The following MAGI2 variants were observed in gnomAD, a reference collection of about 807,000 sequenced individuals.
MAGI2 encodes membrane-associated guanylate kinase, WW and PDZ domain-containing protein 2.
MAGI2 carries 35 observed loss-of-function variants against 133.3 expected under a neutral mutation model. The observed-to-expected ratio is 0.26, with a 90% CI of 0.20 to 0.35. MAGI2 has a LOEUF of 0.35. Ranked by LOEUF, MAGI2 falls within the 10% of genes least tolerant of loss-of-function variation. The probability of loss-of-function intolerance (pLI) is 1.00; values close to 1 mark genes in which losing one functional copy is unlikely to be tolerated. For missense variants in MAGI2, 1,636 were observed against 1,863.4 expected, an observed-to-expected ratio of 0.88 and a Z score of 2.25; for synonymous variants, 729 against 710.6, an observed-to-expected ratio of 1.03 and a Z score of -0.41.
At chr7:78,399,476 AG>A (rs1351749759) in intron 6 of MAGI2, among the ~76,000 whole-genome samples, 1 of 152,196 alleles carries the variant, frequency 6.6e-6, no homozygotes, top group Non-Finnish European at 1.5e-5. Context: ...TATTTGCATC[AG>A]TCGAGGTAAT....
At chr7:78,673,708 G>T (rs761899101) in intron 2 of MAGI2, among the ~76,000 whole-genome samples, 28 of 152,038 alleles carry the variant, frequency 1.8e-4, no homozygotes, top group Non-Finnish European at 3.8e-4. Flanking sequence ...GCGGGGAGGG[G>T]GGCAGGCGGT....
intron 2 of MAGI2, among the ~76,000 whole-genome samples, chr7:78,711,826 G>GTAA (rs1003648365): frequency 1.6e-4 from 24 of 152,326 alleles, no homozygotes; most frequent in African/African-American, 5.3e-4. Flanking sequence ...ATTACCTGCA[G>GTAA]TAATGGAGAG....
chr7:78,360,852 A>G (rs537392268), intron 7 of MAGI2, among the ~76,000 whole-genome samples: 1 of 152,294 alleles, frequency 6.6e-6, no homozygotes, highest in Non-Finnish European at 1.5e-5. Context: ...TCATGGTCCT[A>G]TAAAAATGAT....
intron 2 of MAGI2, among the ~76,000 whole-genome samples, chr7:78,704,089 A>T (rs1469253629): frequency 6.6e-6 from 1 of 152,184 alleles, no homozygotes; most frequent in Non-Finnish European, 1.5e-5. Flanking sequence ...TAATTAAACT[A>T]AAGAGCTTCT....
intron 20 of MAGI2, among the ~76,000 whole-genome samples, chr7:78,098,549 T>C (rs568658165): frequency 6.6e-6 from 1 of 152,308 alleles, no homozygotes; most frequent in South Asian, 2.1e-4. Context: ...TTAAAAATCA[T>C]GCTGTAATAA....
At chr7:79,404,762 T>C (rs896473183) in intron 1 of MAGI2, among the ~76,000 whole-genome samples, 1 of 152,120 alleles carries the variant, frequency 6.6e-6, no homozygotes, top group Non-Finnish European at 1.5e-5. Flanking sequence ...CATATCCCTC[T>C]ATATAGACTA....
At chr7:78,435,894 G>A (rs1019821358) in intron 6 of MAGI2, among the ~76,000 whole-genome samples, 11 of 152,176 alleles carry the variant, frequency 7.2e-5, no homozygotes, top group African/African-American at 2.7e-4. Flanking sequence ...CAAGTTGGTA[G>A]GTACTACAGA....
chr7:79,209,362 TACA>T (rs1294675541), intron 1 of MAGI2, among the ~76,000 whole-genome samples: 7 of 152,074 alleles, frequency 4.6e-5, no homozygotes, highest in South Asian at 2.1e-4. Flanking sequence ...GTGTTTTGAT[TACA>T]ACATTACTGC....
At chr7:79,188,019 C>A (rs1033119271) in intron 1 of MAGI2, among the ~76,000 whole-genome samples, 2 of 151,870 alleles carry the variant, frequency 1.3e-5, no homozygotes, top group Non-Finnish European at 2.9e-5. Context: ...TGAAAGAGAA[C>A]TGTGGATTGA....
At position 78,681,913 on chromosome 7, in the gene MAGI2, C is replaced by T. The variant is rs185388531; in HGVS notation, c.419-54674G>A. ...ACCTTTATATGACAACCTAATTACA[C>T]CAACATCTTACTGCAATGGTGAAGA... On this transcript the variant is annotated intron_variant, in intron 2 of 21. Coordinates refer to ENST00000354212, the MANE Select transcript of MAGI2 (RefSeq NM_012301.4). Among the ~76,000 whole-genome samples the T allele has an allele frequency of 4.6e-3, 705 of 152,192 alleles. 2 individuals are homozygous for T. The highest frequency in any genetic ancestry group is 7.9e-3 in the Non-Finnish European group (534 of 67,998).
intron 2 of MAGI2, among the ~76,000 whole-genome samples, chr7:78,758,941 T>C (rs1297506536): frequency 6.6e-6 from 1 of 152,196 alleles, no homozygotes; most frequent in Non-Finnish European, 1.5e-5. Context: ...TGTTTACACG[T>C]CTATCTCCCA....
At chr7:78,847,338 A>T (rs1735503398) in intron 2 of MAGI2, among the ~76,000 whole-genome samples, 1 of 152,020 alleles carries the variant, frequency 6.6e-6, no homozygotes, top group Non-Finnish European at 1.5e-5. Context: ...TGATCACTCC[A>T]TAAACTAAAA....
chr7:79,274,830 T>A (rs1835121415), intron 1 of MAGI2, among the ~76,000 whole-genome samples: 1 of 152,154 alleles, frequency 6.6e-6, no homozygotes, highest in Non-Finnish European at 1.5e-5. Flanking sequence ...TATTTCAAAC[T>A]TTTTTGTTAT....
At chr7:78,380,695 A>G (rs989802140) in intron 6 of MAGI2, among the ~76,000 whole-genome samples, 4 of 152,156 alleles carry the variant, frequency 2.6e-5, no homozygotes, top group African/African-American at 9.7e-5. Context: ...CAGGGAGACT[A>G]TAGTCAACAA....
chr7:79,136,402 A>G (rs984976729), intron 1 of MAGI2, among the ~76,000 whole-genome samples: 1 of 152,218 alleles, frequency 6.6e-6, no homozygotes, highest in African/African-American at 2.4e-5. Flanking sequence ...GAGTGAAGGC[A>G]TTAAGAAAGA....
intron 10 of MAGI2, among the ~76,000 whole-genome samples, chr7:78,212,852 T>A (rs988500163): frequency 1.3e-5 from 2 of 152,178 alleles, no homozygotes; most frequent in African/African-American, 4.8e-5. Flanking sequence ...GGTTAACTTT[T>A]TGTATTTTTA....
intron 1 of MAGI2, among the ~76,000 whole-genome samples, chr7:79,331,720 G>A (rs769732624): frequency 6.6e-6 from 1 of 152,138 alleles, no homozygotes; most frequent in Non-Finnish European, 1.5e-5. Context: ...CTATATGACA[G>A]AAGCACGTTT....
intron 9 of MAGI2, among the ~76,000 whole-genome samples, chr7:78,303,374 T>A: frequency 1.2e-5 from 1 of 83,070 alleles, no homozygotes; most frequent in East Asian, 3.7e-4. Flanking sequence ...AGCAAAACTG[T>A]CTCCAAAAAA....
intron 2 of MAGI2, among the ~76,000 whole-genome samples, chr7:78,996,843 A>C (rs1021624760): frequency 1.3e-5 from 2 of 152,192 alleles, no homozygotes; most frequent in Admixed American, 1.3e-4. Context: ...TTTCCAAAGA[A>C]AATTATTGTT....
Sources: gnomAD v4.1 joint callset for allele counts (sites outside exome capture counted in the v4.1 genomes callset) on GRCh38, gnomAD v4.1.1 for gene constraint, MANE v1.5 for transcripts, NCBI Gene and HGNC (gene_info 2026-07-23, HGNC 2026-07-21) for gene names.